Variants in SNX25 observed in about 807,000 individuals in gnomAD.
The protein encoded by SNX25 is sorting nexin-25.
A neutral mutation model predicts 113.7 loss-of-function variants in SNX25; 62 were observed. That is an observed-to-expected ratio of 0.55 (90% CI 0.44 to 0.67). The LOEUF (loss-of-function observed/expected upper bound fraction) is 0.67. Ranked by LOEUF, SNX25 falls within the 30% of genes least tolerant of loss-of-function variation. SNX25 has a pLI of 0.00. For synonymous variants in SNX25, 421 were observed against 436.2 expected, an observed-to-expected ratio of 0.97 and a Z score of 0.43; for missense variants, 1,014 against 1,161.0, an observed-to-expected ratio of 0.87 and a Z score of 1.84.
intron 6 of SNX25, among the ~76,000 whole-genome samples, chr4:185,301,572 C>G (rs1371707528): frequency 2.0e-5 from 3 of 151,264 alleles, no homozygotes; most frequent in Non-Finnish European, 4.4e-5. Context: ...GTATCCTAGT[C>G]AGACTTTTTT....
intron 11 of SNX25, among the ~76,000 whole-genome samples, chr4:185,341,321 C>T (rs1386190397): frequency 6.6e-6 from 1 of 152,190 alleles, no homozygotes; most frequent in South Asian, 2.1e-4. Flanking sequence ...CTTGTTGGAT[C>T]CTGAAATTAA....
At chr4:185,208,458 G>A (rs145700244), upstream of SNX25, among the ~76,000 whole-genome samples, 85 of 152,196 alleles carry the variant, frequency 5.6e-4, 1 homozygote, top group Non-Finnish European at 1.0e-3. Flanking sequence ...GGCCGGGCGC[G>A]GTGGCTTACA....
chr4:185,322,073 C>T (rs965136055), intron 8 of SNX25, among the ~76,000 whole-genome samples: 1 of 152,158 alleles, frequency 6.6e-6, no homozygotes, highest in Admixed American at 6.5e-5. Context: ...TGTAAATGTA[C>T]ACAATAATAT....
intron 1 of SNX25, among the ~76,000 whole-genome samples, chr4:185,229,324 G>A (rs1741477031): frequency 6.6e-6 from 1 of 152,206 alleles, no homozygotes. Flanking sequence ...CCTATCTGCT[G>A]GCATGCAAAA....
chr4:185,314,748 C>T (rs576015218), intron 7 of SNX25, among the ~76,000 whole-genome samples: 1 of 150,778 alleles, frequency 6.6e-6, no homozygotes, highest in Non-Finnish European at 1.5e-5. Flanking sequence ...ATCCCAGGTA[C>T]TCGGGAGGCT....
downstream of SNX25, among the ~76,000 whole-genome samples, chr4:185,368,834 C>A (rs994864945): frequency 6.9e-6 from 1 of 144,054 alleles, no homozygotes; most frequent in Non-Finnish European, 1.5e-5. Context: ...CACTGTGTTG[C>A]CCAGGCTGGA....
At chr4:185,366,635 GT>G (rs2095388926), downstream of SNX25, 1 of 151,998 alleles carries the variant, frequency 6.6e-6, no homozygotes, top group African/African-American at 2.4e-5. Context: ...ACTTATTTAA[GT>G]TTAATTCTTT....
intron 5 of SNX25, among the ~76,000 whole-genome samples, chr4:185,283,795 G>A (rs1425323088): frequency 6.6e-6 from 1 of 152,160 alleles, no homozygotes; most frequent in African/African-American, 2.4e-5. Context: ...TGAGGATTAA[G>A]TGAGATAATG....
At chr4:185,239,289 C>G (rs574516261) in intron 1 of SNX25, among the ~76,000 whole-genome samples, 3 of 151,838 alleles carry the variant, frequency 2.0e-5, no homozygotes, top group Non-Finnish European at 2.9e-5. Flanking sequence ...CGAGACCATC[C>G]TGGCCAACAC....
chr4:185,234,251 G>A (rs1742286003), intron 1 of SNX25, among the ~76,000 whole-genome samples: 1 of 152,088 alleles, frequency 6.6e-6, no homozygotes, highest in South Asian at 2.1e-4. Context: ...TTTTCTTTTA[G>A]AAAGCAGGTT....
chr4:185,247,012 T>C (rs554623873), intron 1 of SNX25, among the ~76,000 whole-genome samples: 8 of 152,226 alleles, frequency 5.3e-5, no homozygotes, highest in Non-Finnish European at 1.0e-4. Context: ...TTTGCACATA[T>C]ATAGCTACAT....
At chr4:185,287,858 A>G (rs1244771879) in intron 5 of SNX25, among the ~76,000 whole-genome samples, 154 bp from the exon 6 acceptor site, 1 of 152,160 alleles carries the variant, frequency 6.6e-6, no homozygotes, top group East Asian at 1.9e-4. Flanking sequence ...CCTATTGTAG[A>G]TGCTCGGTCT....
chr4:185,374,487 A>G (rs764833601), downstream of SNX25: 4 of 1,602,748 alleles, frequency 2.5e-6, no homozygotes, highest in African/African-American at 4.1e-5. Flanking sequence ...GAGCAAAAAA[A>G]CCCTAGTTTT....
intron 12 of SNX25, among the ~76,000 whole-genome samples, chr4:185,346,149 A>G (rs1217951947): frequency 6.6e-6 from 1 of 152,154 alleles, no homozygotes; most frequent in East Asian, 1.9e-4. Flanking sequence ...GTGAGCCACC[A>G]CGCCCGGCCA....
At chr4:185,327,640 G>T (rs1389955961) in intron 9 of SNX25, among the ~76,000 whole-genome samples, 1 of 152,008 alleles carries the variant, frequency 6.6e-6, no homozygotes, top group Non-Finnish European at 1.5e-5. Flanking sequence ...TATTAACTTG[G>T]TTTACAGTTT....
At chr4:185,282,930 T>C (rs181000102) in intron 5 of SNX25, among the ~76,000 whole-genome samples, 1 of 152,300 alleles carries the variant, frequency 6.6e-6, no homozygotes, top group Admixed American at 6.5e-5. Flanking sequence ...TGTCCCCGTG[T>C]CCTCATGGAT....
intron 1 of SNX25, among the ~76,000 whole-genome samples, chr4:185,244,165 T>G (rs1191693646): frequency 6.6e-6 from 1 of 152,218 alleles, no homozygotes; most frequent in Admixed American, 6.5e-5. Context: ...GCCCAGCTAA[T>G]TTTTTAAATT....
chr4:185,322,562 C>T (rs74947618), intron 8 of SNX25, among the ~76,000 whole-genome samples: 1 of 152,190 alleles, frequency 6.6e-6, no homozygotes, highest in Non-Finnish European at 1.5e-5. Flanking sequence ...TAAATCCAGT[C>T]CTATAGTGTC....
rs1254716180 is a variant in SNX25 at position 185,210,975 on chromosome 4, A to G, written c.429+720A>G. Among the ~76,000 whole-genome samples, 1 of 152,094 alleles carries G rather than the reference A, an allele frequency of 6.6e-6. No individual in the cohort carries two copies. The highest frequency in any genetic ancestry group is 2.4e-5 in the African/African-American group (1 of 41,424). On this transcript the variant is annotated intron_variant, in intron 1 of 18. Transcript: ENST00000652585. The surrounding 1 kb of genome is among the most constrained non-coding windows in gnomAD (Gnocchi z 4.4). Reference sequence around the variant, plus strand: ...TCTTCAGTGCCAAACCCACTGCCCCATCTTTCTTCCACATTCCTTCTCATA... The same window carrying G: ...TCTTCAGTGCCAAACCCACTGCCCCGTCTTTCTTCCACATTCCTTCTCATA...
Sources: gnomAD v4.1 joint callset for allele counts (sites outside exome capture counted in the v4.1 genomes callset) on GRCh38, gnomAD v4.1.1 for gene constraint, Gnocchi (gnomAD v3.1) non-coding constraint, MANE v1.5 for transcripts, NCBI Gene and HGNC (gene_info 2026-07-23, HGNC 2026-07-21) for gene names.